C10orf105: variants seen among roughly 807,000 people sequenced by gnomAD.
C10orf105 encodes the protein chromosome 10 open reading frame 105.
A neutral mutation model predicts 0.6 loss-of-function variants in C10orf105; 2 were observed. That is an observed-to-expected ratio of 3.18 (90% confidence interval 1.30 to 10.01). The LOEUF (loss-of-function observed/expected upper bound fraction) is 10.01, where lower values mean the gene tolerates loss of function less well. Among genes scored for constraint, C10orf105 ranks in the 30% most tolerant of loss-of-function variants. The probability of loss-of-function intolerance (pLI) is 0.04; values close to 1 mark genes in which losing one functional copy is unlikely to be tolerated. For synonymous variants in C10orf105, 95 were observed against 82.4 expected (o/e 1.15, Z -0.83); for missense variants, 209 against 191.4 (o/e 1.09, Z -0.54).
intron 1 of C10orf105, among the ~76,000 whole-genome samples, chr10:71,737,245 A>G (rs1420286767): frequency 6.6e-6 from 1 of 152,226 alleles, no homozygotes; most frequent in Non-Finnish European, 1.5e-5. Context: ...CCAGGCAGGA[A>G]GCAGGAACAG....
At chr10:71,723,986 C>A (rs887360491), upstream of C10orf105, 2 of 1,538,452 alleles carry the variant, frequency 1.3e-6, no homozygotes, top group Admixed American at 2.0e-5. Flanking sequence ...ACTCTAAAAA[C>A]CTCTTCTCTC....
At chr10:71,724,372 A>G (rs1313585374), upstream of C10orf105, among the ~76,000 whole-genome samples, 3 of 152,148 alleles carry the variant, frequency 2.0e-5, no homozygotes, top group African/African-American at 7.2e-5. Flanking sequence ...GGCCTACTGC[A>G]ACCTCTGCCT....
At chr10:71,720,926 G>T (rs1866528384), upstream of C10orf105, among the ~76,000 whole-genome samples, 4 of 152,200 alleles carry the variant, frequency 2.6e-5, no homozygotes. Flanking sequence ...AGGCATCCAG[G>T]GTAGGCAAAG....
In C10orf105 at chr10:71,715,931, C is replaced by T; in HGVS notation, c.*5G>A. 1 of 1,458,100 alleles carries T rather than the reference C, an allele frequency of 6.9e-7. No homozygotes were observed. The highest frequency in any genetic ancestry group is 9.1e-7 in the Non-Finnish European group (1 of 1,103,122). The allele number at this position is 1,458,100 out of a possible 1,614,324, so 90.3% of individuals were successfully genotyped here. A position where few individuals can be genotyped will look rare whatever the true frequency, so the allele number is the denominator to read the frequency against. Reference sequence around the variant, plus strand: ...GGATGTGGGGGCATGTTTGTGGACACCCCATTACATCTTGGTAGATTCCAT... The same window carrying T: ...GGATGTGGGGGCATGTTTGTGGACATCCCATTACATCTTGGTAGATTCCAT... On this transcript the variant is annotated 3_prime_UTR_variant, in exon 2 of 2. Transcript: ENST00000441508.
chr10:71,720,440 C>CACACACACACAT (rs1472712828), upstream of C10orf105, among the ~76,000 whole-genome samples: 3 of 151,800 alleles, frequency 2.0e-5, no homozygotes, highest in African/African-American at 7.3e-5. Context: ...CACACACACA[C>CACACACACACAT]ACACACACAC....
At chr10:71,728,485 A>C (rs1374995316) in intron 1 of C10orf105, among the ~76,000 whole-genome samples, 6 of 152,164 alleles carry the variant, frequency 3.9e-5, no homozygotes, top group Non-Finnish European at 8.8e-5. Context: ...ACCAGCCAGA[A>C]GCTCTGTCAC....
chr10:71,725,516 T>G (rs1302474489), intron 1 of C10orf105: 2 of 1,612,770 alleles, frequency 1.2e-6, no homozygotes, highest in Non-Finnish European at 1.7e-6. Flanking sequence ...CGGAGCTCCG[T>G]CAGGGTGAGG....
intron 1 of C10orf105, chr10:71,734,549 C>T: frequency 3.1e-6 from 5 of 1,607,748 alleles, no homozygotes; most frequent in Non-Finnish European, 3.4e-6. Flanking sequence ...AGGGTGGCAC[C>T]TCCAGAGACA....
intron 1 of C10orf105, chr10:71,731,906 T>C: frequency 1.4e-6 from 2 of 1,477,182 alleles, no homozygotes. Context: ...CCAGGGGGTA[T>C]GGGTGTGGCA....
chr10:71,727,985 G>T (rs972487382), intron 1 of C10orf105, among the ~76,000 whole-genome samples: 16 of 152,268 alleles, frequency 1.1e-4, no homozygotes, highest in African/African-American at 3.4e-4. Context: ...CAGACTCATG[G>T]AGGACAGGCC....
At position 71,712,884 on chromosome 10, in the gene C10orf105, A is replaced by T; in HGVS notation, c.*3052T>A. 6.5e-7 allele frequency: 1 copy of T among 1,547,858 alleles called. No individual in the cohort carries two copies. Among genetic ancestry groups the T allele is most frequent in the Non-Finnish European group, 8.8e-7 (1 of 1,136,026 alleles). ...CGGAGCCACACACGGCCCTGAGGGC[A>T]CATGCTCAGTGGCACCAGAGGCGGA... On this transcript the variant is annotated 3_prime_UTR_variant, in exon 2 of 2. Coordinates refer to ENST00000441508, the MANE Select transcript of C10orf105 (RefSeq NM_001164375.3).
intron 1 of C10orf105, among the ~76,000 whole-genome samples, chr10:71,718,630 G>A (rs1047477284): frequency 1.3e-4 from 20 of 152,396 alleles, no homozygotes; most frequent in African/African-American, 4.6e-4. Flanking sequence ...TTGGCCAGGA[G>A]TAAGAAAAGG....
In C10orf105 at chr10:71,732,607, C is replaced by T. The variant is rs1480419056; in HGVS notation, c.-6+5121G>A. 4.3e-6 allele frequency: 6 copies of T among 1,390,058 alleles called. No homozygotes were observed. In the South Asian group the frequency reaches 4.8e-5, roughly 11 times the overall value. The allele number at this position is 1,390,058 out of a possible 1,614,324, so 86.1% of individuals were successfully genotyped here. A position where few individuals can be genotyped will look rare whatever the true frequency, so the allele number is the denominator to read the frequency against. On this transcript the variant is annotated intron_variant, in intron 1 of 1. Coordinates refer to the C10orf105 transcript ENST00000398786. ...GCGTTTGCACCACTGCACTCCAGCC[C>T]GGGCAACAGAGTGAGACCTTGTCTC...
intron 1 of C10orf105, among the ~76,000 whole-genome samples, chr10:71,725,121 T>G (rs983513928): frequency 2.0e-5 from 3 of 152,196 alleles, no homozygotes; most frequent in East Asian, 3.9e-4. Context: ...AACACCAAGA[T>G]GAAGGCTTTC....
At chr10:71,730,796 T>A (rs1019581976) in intron 1 of C10orf105, among the ~76,000 whole-genome samples, 1 of 152,208 alleles carries the variant, frequency 6.6e-6, no homozygotes, top group Non-Finnish European at 1.5e-5. Flanking sequence ...AGGGTTGGAA[T>A]CAGGGAGAGT....
rs1866075599 is a variant in C10orf105 at position 71,713,479 on chromosome 10, G to A, written c.*2457C>T. Reference sequence around the variant, plus strand: ...GGCCTGCCCACTGGGGCAGGCTCCCGGGCTTGGGAGGGACAGAAGCGTGGG... The same window carrying A: ...GGCCTGCCCACTGGGGCAGGCTCCCAGGCTTGGGAGGGACAGAAGCGTGGG... On this transcript the variant is annotated 3_prime_UTR_variant, in exon 2 of 2. Coordinates refer to ENST00000441508, the MANE Select transcript of C10orf105 (RefSeq NM_001164375.3). 8 of 577,386 alleles carry A rather than the reference G, an allele frequency of 1.4e-5. No homozygotes were observed. Among genetic ancestry groups the A allele is most frequent in the South Asian group, 4.1e-5 (2 of 48,336 alleles). 35.8% of individuals were successfully genotyped at this position (577,386 alleles called of 1,614,324 possible).
chr10:71,734,716 G>C (rs955140698), intron 1 of C10orf105: 53 of 1,167,114 alleles, frequency 4.5e-5, no homozygotes, highest in Non-Finnish European at 6.1e-5. Context: ...AGTGCTGGCC[G>C]GGCTCTGCCT....
chr10:71,725,328 T>C, intron 1 of C10orf105: 1 of 1,613,824 alleles, frequency 6.2e-7, no homozygotes, highest in South Asian at 1.1e-5. Flanking sequence ...GCAGGAGACT[T>C]CTGGGCAGGG....
chr10:71,727,555 C>T (rs989999810), intron 1 of C10orf105, among the ~76,000 whole-genome samples: 29 of 152,224 alleles, frequency 1.9e-4, no homozygotes, highest in Admixed American at 6.5e-4. Flanking sequence ...CATCCACATC[C>T]TCCAGTTCCT....
Sources: allele counts gnomAD v4.1 joint callset (sites outside exome capture counted in the v4.1 genomes callset), GRCh38; gene constraint gnomAD v4.1.1; transcripts MANE v1.5; gene names NCBI Gene and HGNC (gene_info 2026-07-23, HGNC 2026-07-21).